Variants in MMP1 observed in about 807,000 individuals in gnomAD.
MMP1 encodes interstitial collagenase.
In MMP1, 51 loss-of-function variants were observed where a neutral mutation model predicts 49.6. That is an observed-to-expected ratio of 1.03 (90% CI 0.82 to 1.30). The LOEUF (loss-of-function observed/expected upper bound fraction) is 1.30. Among genes scored for constraint, MMP1 ranks in the 50% most tolerant of loss-of-function variants. The pLI, the probability that MMP1 is intolerant of heterozygous loss-of-function variation, is 0.00. For synonymous variants in MMP1, 230 were observed against 196.8 expected (o/e 1.17, Z -1.41); for missense variants, 623 against 568.7 (o/e 1.10, Z -0.97).
In MMP1 at chr11:102,797,044, C is replaced by T; in HGVS notation, c.469G>A (p.Ala157Thr). Reference protein sequence around the residue: ...LTFTKVSEGQADIMISFVRGD... With the variant: ...LTFTKVSEGQTDIMISFVRGD... ...CTGACAAAAGATATCATGATGTCTG[C>T]TTGACCCTCAGAGACCTTGGTGAAT... The change falls in exon 3 of 10, where the codon GCA becomes ACA. Residue 157 changes from alanine to threonine, a missense_variant. Coordinates refer to ENST00000315274, the MANE Select transcript of MMP1 (RefSeq NM_002421.4). 6.2e-7 allele frequency: 1 copy of T among 1,614,044 alleles called. No homozygotes were observed. Among genetic ancestry groups the T allele is most frequent in the Non-Finnish European group, 8.5e-7 (1 of 1,179,970 alleles).
intron 6 of MMP1, chr11:102,793,215 ATT>A (rs1375471571): frequency 6.6e-6 from 1 of 152,278 alleles, no homozygotes; most frequent in Non-Finnish European, 1.5e-5. Context: ...TGCCTCCCAG[ATT>A]CAAGGATTCT....
chr11:102,797,799 C>T (rs1340036416), intron 1 of MMP1, among the ~76,000 whole-genome samples, 189 bp downstream of exon 1: 6 of 151,892 alleles, frequency 4.0e-5, no homozygotes, highest in South Asian at 2.1e-4. Context: ...CTTTAGTTCA[C>T]TCTCACCTCC....
Position 102,797,555 on chromosome 11 carries a change from A to T in MMP1, c.106-55T>A, listed in dbSNP as rs1858235016. The T allele has an allele frequency of 1.9e-6, 3 of 1,597,772 alleles. No homozygotes were observed. In the African/African-American group the frequency reaches 4.0e-5, roughly 22 times the overall value. ...ATGGGAAATCTTTCTCATTATTCTA[A>T]AAATTGATGGCATTAAGTTTTAGCC... On this transcript the variant is annotated intron_variant, in intron 1 of 9. Coordinates refer to ENST00000315274, the MANE Select transcript of MMP1 (RefSeq NM_002421.4).
Position 102,791,515 on chromosome 11 carries a change from G to A in MMP1, c.1034-20C>T. Reference sequence around the variant, plus strand: ...TATTCCCTGCCAATCAAGAAAGAGTGATAAAACACTTGCCTAAGACTTCAA... The same window carrying A: ...TATTCCCTGCCAATCAAGAAAGAGTAATAAAACACTTGCCTAAGACTTCAA... On this transcript the variant is annotated intron_variant, in intron 7 of 9. Transcript: ENST00000315274. 3 of 1,610,250 alleles carry A rather than the reference G, an allele frequency of 1.9e-6. No homozygotes were observed. The highest frequency in any genetic ancestry group is 2.5e-6 in the Non-Finnish European group (3 of 1,177,782).
At chr11:102,796,192 G>T (rs1858185691) in intron 4 of MMP1, among the ~76,000 whole-genome samples, 2 of 152,158 alleles carry the variant, frequency 1.3e-5, no homozygotes, top group South Asian at 4.1e-4. Context: ...GTTGTGATCT[G>T]CCTGCCTTGG....
chr11:102,797,926 A>G (rs1177842155), intron 1 of MMP1, 62 bp downstream of exon 1: 17 of 1,274,896 alleles, frequency 1.3e-5, no homozygotes, highest in African/African-American at 4.5e-5. Flanking sequence ...ACTCTATTAC[A>G]TTACTGCAGA....
At chr11:102,795,412 C>T (rs770721544) in intron 5 of MMP1, 40 bp downstream of exon 5, 2 of 1,607,570 alleles carry the variant, frequency 1.2e-6, no homozygotes, top group South Asian at 2.2e-5. Flanking sequence ...CATATAAAGA[C>T]CACCAGGCCC....
At position 102,795,285 on chromosome 11, in the gene MMP1, G is replaced by A; in HGVS notation, c.788C>T (p.Ser263Phe). Residue 263 changes from serine (S) to phenylalanine (F), a missense_variant, in exon 6 of 10, where the codon TCC becomes TTC. Coordinates refer to ENST00000315274, the MANE Select transcript of MMP1 (RefSeq NM_002421.4). Reference sequence around the variant, plus strand: ...GCCGATGGGCTGGACAGGATTTTGGGAACGTCCTAAGGAAAATAAAATACC... The same window carrying A: ...GCCGATGGGCTGGACAGGATTTTGGAAACGTCCTAAGGAAAATAAAATACC... ...IDGIQAIYGR[S>F]QNPVQPIGPQ... 6.2e-7 allele frequency: 1 copy of A among 1,613,958 alleles called. No homozygotes were observed. Among genetic ancestry groups the A allele is most frequent in the Non-Finnish European group, 8.5e-7 (1 of 1,179,956 alleles).
intron 8 of MMP1, 33 bp from the exon 9 acceptor site, chr11:102,790,839 T>C: frequency 3.3e-6 from 4 of 1,210,624 alleles, no homozygotes; most frequent in Non-Finnish European, 2.4e-6. Flanking sequence ...TGTCAGACCT[T>C]TTGCTAAACA....
In MMP1 at chr11:102,790,307, A is replaced by G. The variant is rs1857988177; in HGVS notation, c.*105T>C. 1 of 629,306 alleles carries G rather than the reference A, an allele frequency of 1.6e-6. No homozygotes were observed. The highest frequency in any genetic ancestry group is 1.8e-5 in the African/African-American group (1 of 54,294). The allele number at this position is 629,306 out of a possible 1,614,324, so 39.0% of individuals were successfully genotyped here. A position where few individuals can be genotyped will look rare whatever the true frequency, so the allele number is the denominator to read the frequency against. ...GTATAAATAAGATTATATTCTGTGT[A>G]TCAGTGACTCTAGAGGTTAAAAATG... On this transcript the variant is annotated 3_prime_UTR_variant, in exon 10 of 10. Transcript: ENST00000315274.
Position 102,796,793 on chromosome 11 carries a change from A to G in MMP1, c.500-4T>C, listed in dbSNP as rs1565212753. On this transcript the variant is annotated splice_region_variant and splice_polypyrimidine_tract_variant and intron_variant, in intron 3 of 9. Coordinates refer to ENST00000315274, the MANE Select transcript of MMP1 (RefSeq NM_002421.4). Reference sequence around the variant, plus strand: ...AAAGGAGAGTTGTCCCGATGATCTGAAAGAAACAATTCAACAAAGATTCCT... The same window carrying G: ...AAAGGAGAGTTGTCCCGATGATCTGGAAGAAACAATTCAACAAAGATTCCT... 1 of 1,611,780 alleles carries G rather than the reference A, an allele frequency of 6.2e-7. No homozygotes were observed.
rs780986631 is a variant in MMP1 at position 102,791,507 on chromosome 11, G to A, written c.1034-12C>T. ...CCAGTACTTATTCCCTGCCAATCAA[G>A]AAAGAGTGATAAAACACTTGCCTAA... On this transcript the variant is annotated splice_polypyrimidine_tract_variant and intron_variant, in intron 7 of 9. Transcript: ENST00000315274. The A allele has an allele frequency of 3.1e-6, 5 of 1,610,530 alleles. No homozygotes were observed. In the South Asian group the frequency reaches 3.3e-5, roughly 11 times the overall value.
At chr11:102,791,647 A>G in intron 7 of MMP1, 152 bp from the exon 8 acceptor site, 1 of 761,450 alleles carries the variant, frequency 1.3e-6, no homozygotes, top group Non-Finnish European at 2.1e-6. Context: ...TACTGATGCC[A>G]GGACCCTATC....
Position 102,790,788 on chromosome 11 carries a change from T to A in MMP1, c.1215A>T (p.Arg405=). The A allele has an allele frequency of 6.2e-7, 1 of 1,608,592 alleles. No individual in the cohort carries two copies. Among genetic ancestry groups the A allele is most frequent in the Non-Finnish European group, 8.5e-7 (1 of 1,175,136 alleles). ...TTTTGGGATAACCTGGATCCATAGA[T>A]CGTTTATATTCATCATACCTGGTCA... is the stretch of plus-strand genomic sequence containing the variant. ...NKYWRYDEYK[R]SMDPGYPKMI... is the part of the protein sequence containing the mutation. Residue 405 remains arginine (R), a synonymous_variant, in exon 9 of 10, where the codon CGA becomes CGT. Coordinates refer to ENST00000315274, the MANE Select transcript of MMP1 (RefSeq NM_002421.4).
rs768066578 is a variant in MMP1 at position 102,795,268 on chromosome 11, G to A, written c.805C>T (p.Pro269Ser). 3.1e-6 allele frequency: 5 copies of A among 1,614,062 alleles called. No homozygotes were observed. Among genetic ancestry groups the A allele is most frequent in the Non-Finnish European group, 2.5e-6 (3 of 1,179,988 alleles). ...IYGRSQNPVQ[P>S]IGPQTPKACD... is the part of the protein sequence containing the mutation. ...GCTTTTGGGGTTTGTGGGCCGATGG[G>A]CTGGACAGGATTTTGGGAACGTCCT... Residue 269 changes from proline to serine, a missense_variant, in exon 6 of 10, where the codon CCC becomes TCC. By Grantham distance (74) the Pro-to-Ser change is moderately conservative (BLOSUM62 -1). Transcript: ENST00000315274.
In MMP1 at chr11:102,795,065, G is replaced by T. The variant is rs1858142165; in HGVS notation, c.899+109C>A. On this transcript the variant is annotated intron_variant, in intron 6 of 9. Transcript: ENST00000315274. ...ATGTGGTTGCTACCATGTGATTATA[G>T]ATGTAAATCAGCATGAAATAAGTAA... 1.9e-5 allele frequency: 17 copies of T among 908,922 alleles called. No individual in the cohort carries two copies. In the South Asian group the frequency reaches 2.3e-4, roughly 12 times the overall value. The allele number at this position is 908,922 out of a possible 1,614,324, so 56.3% of individuals were successfully genotyped here.
rs994856353 is a variant in MMP1, at chr11:102,790,202, G to C, written c.*210C>G. The C allele has an allele frequency of 1.8e-5, 7 of 383,138 alleles. No homozygotes were observed. The highest frequency in any genetic ancestry group is 3.3e-5 in the Non-Finnish European group (7 of 214,416). 23.7% of individuals were successfully genotyped at this position (383,138 alleles called of 1,614,324 possible). A position where few individuals can be genotyped will look rare whatever the true frequency, so the allele number is the denominator to read the frequency against. On this transcript the variant is annotated 3_prime_UTR_variant, in exon 10 of 10. Transcript: ENST00000315274. ...CCATAAGCCACAAACTTGACTTTTT[G>C]TACCCACCATTTGTGGAACTAAATT...
Position 102,795,237 on chromosome 11 carries a change from T to G in MMP1, c.836A>C (p.Asp279Ala), listed in dbSNP as rs756459094. ...TATAGCATCAAAGGTTAGCTTACTG[T>G]CACACGCTTTTGGGGTTTGTGGGCC... ...PIGPQTPKAC[D>A]SKLTFDAITT... The change falls in exon 6 of 10, where the codon GAC becomes GCC. Residue 279 changes from aspartate (D) to alanine (A), a missense_variant. Physicochemically the swap from Asp to Ala is moderately radical, Grantham distance 126. Coordinates refer to ENST00000315274, the MANE Select transcript of MMP1 (RefSeq NM_002421.4). 2 of 1,614,034 alleles carry G rather than the reference T, an allele frequency of 1.2e-6. No homozygotes were observed. Among genetic ancestry groups the G allele is most frequent in the Non-Finnish European group, 1.7e-6 (2 of 1,180,022 alleles).
chr11:102,790,774 C>A lies in MMP1; in HGVS notation c.1229G>T (p.Gly410Val). Residue 410 changes from glycine to valine, a missense_variant, in exon 9 of 10, where the codon GGT (glycine) becomes GTT (valine). By Grantham distance (109) the Gly-to-Val change is moderately radical. Coordinates refer to ENST00000315274, the MANE Select transcript of MMP1 (RefSeq NM_002421.4). ...YDEYKRSMDP[G>V]YPKMIAHDFP... ...GTCATGTGCTATCATTTTGGGATAA[C>A]CTGGATCCATAGATCGTTTATATTC... 6.2e-7 allele frequency: 1 copy of A among 1,613,002 alleles called. No homozygotes were observed. The highest frequency in any genetic ancestry group is 2.2e-5 in the East Asian group (1 of 44,854).
Sources: gnomAD v4.1 joint callset for allele counts (sites outside exome capture counted in the v4.1 genomes callset) on GRCh38, gnomAD v4.1.1 for gene constraint, MANE v1.5 for transcripts, NCBI Gene and HGNC (gene_info 2026-07-23, HGNC 2026-07-21) for gene names.